Variants in SNX29 observed in about 807,000 individuals in gnomAD.
The protein encoded by SNX29 is sorting nexin 29.
In SNX29, 78 loss-of-function variants were observed where a neutral mutation model predicts 102.1. The observed-to-expected ratio is 0.76, with a 90% CI of 0.64 to 0.92. The LOEUF is 0.92. Ranked by LOEUF, SNX29 falls within the 40% of genes least tolerant of loss-of-function variation. SNX29 has a pLI of 0.00. For missense variants in SNX29, 1,280 were observed against 1,061.7 expected (o/e 1.21, Z -2.86); for synonymous variants, 580 against 414.5 (o/e 1.40, Z -4.85).
At chr16:12,461,978 AATATATATATATATATAT>A (rs71139595) in intron 18 of SNX29, among the ~76,000 whole-genome samples, 546 of 27,346 alleles carry the variant, frequency 0.02, 15 homozygotes, top group Middle Eastern at 0.038. Flanking sequence ...AAAAAAAAAA[AATATATATATATATATAT>A]ATATATATAT....
At chr16:12,399,371 T>C (rs1172079716) in intron 17 of SNX29, among the ~76,000 whole-genome samples, 1 of 152,218 alleles carries the variant, frequency 6.6e-6, no homozygotes, top group Non-Finnish European at 1.5e-5. Flanking sequence ...TCAGGATTTC[T>C]TGGGCTTTGG....
chr16:12,512,848 G>T (rs2089692372), intron 19 of SNX29, among the ~76,000 whole-genome samples: 1 of 152,170 alleles, frequency 6.6e-6, no homozygotes, highest in African/African-American at 2.4e-5. Flanking sequence ...GGGGAGTGAG[G>T]GCGAGATGGC....
chr16:12,482,410 T>A (rs1322150634), intron 19 of SNX29, among the ~76,000 whole-genome samples: 1 of 152,164 alleles, frequency 6.6e-6, no homozygotes, highest in Non-Finnish European at 1.5e-5. Flanking sequence ...CAAGTGACCC[T>A]CTTGCTTCAG....
At chr16:12,035,205 T>G (rs1208230137) in intron 4 of SNX29, among the ~76,000 whole-genome samples, 1 of 48,892 alleles carries the variant, frequency 2.0e-5, no homozygotes, top group Non-Finnish European at 5.5e-5. Context: ...GAAATTTCCC[T>G]TTTTTTTTTT....
intron 11 of SNX29, among the ~76,000 whole-genome samples, chr16:12,124,980 A>G (rs2054141506): frequency 6.6e-6 from 1 of 152,200 alleles, no homozygotes; most frequent in African/African-American, 2.4e-5. Context: ...ATAAAGAGGA[A>G]GGAAATCACA....
At chr16:12,567,785 G>A (rs138358132) in intron 20 of SNX29, among the ~76,000 whole-genome samples, 216 of 152,252 alleles carry the variant, frequency 1.4e-3, no homozygotes, top group Middle Eastern at 0.01. Flanking sequence ...TTGAAAAAAT[G>A]CAACCACATC....
chr16:12,196,670 G>T (rs1374575932), intron 13 of SNX29, among the ~76,000 whole-genome samples: 1 of 148,070 alleles, frequency 6.8e-6, no homozygotes, highest in Non-Finnish European at 1.5e-5. Flanking sequence ...TGCGAGGCTG[G>T]AGTGCAGTGG....
Position 12,218,616 on chromosome 16 carries a change from G to T in SNX29, c.1678+18933G>T, listed in dbSNP as rs140481225. ...TCAACCTTGCTTTTTTCAGGTAAGA[G>T]TGTATCACTGAACAGTCAGGAATTT... On this transcript the variant is annotated intron_variant, in intron 14 of 20. Coordinates refer to ENST00000566228, the MANE Select transcript of SNX29 (RefSeq NM_032167.5). Among the ~76,000 whole-genome samples the T allele has an allele frequency of 4.3e-3, 654 of 152,268 alleles. 5 individuals are homozygous for T. Among genetic ancestry groups the T allele is most frequent in the African/African-American group, 0.015 (622 of 41,546 alleles).
At chr16:12,465,214 T>C (rs1015795352) in intron 18 of SNX29, among the ~76,000 whole-genome samples, 1 of 152,258 alleles carries the variant, frequency 6.6e-6, no homozygotes. Context: ...AGAAGCTCTT[T>C]AGTTTGATGT....
rs768785747 is a variant in SNX29, at chr16:12,052,213, C to T, written c.1115C>T (p.Ser372Leu). ...SGRKHRGHSE[S>L]PEKPLEGNTC... ...AGGAAGCACAGGGGCCACTCGGAGTCGCCCGAGAAGTAAGTTTGTGTGTAA... is the reference window on the plus strand; with the variant it reads ...AGGAAGCACAGGGGCCACTCGGAGTTGCCCGAGAAGTAAGTTTGTGTGTAA... Residue 372 changes from serine (S) to leucine (L), a missense_variant, in exon 8 of 21, where the codon TCG (serine) becomes TTG (leucine). Transcript: ENST00000566228. 1.8e-5 allele frequency: 29 copies of T among 1,613,648 alleles called. No homozygotes were observed. Among genetic ancestry groups the T allele is most frequent in the Middle Eastern group, 1.6e-4 (1 of 6,078 alleles).
intron 11 of SNX29, among the ~76,000 whole-genome samples, chr16:12,079,300 G>T (rs2051745145): frequency 1.3e-5 from 2 of 152,238 alleles, no homozygotes; most frequent in South Asian, 4.1e-4. Context: ...ATTAAACTTT[G>T]CTAATGATCA....
chr16:12,005,813 G>A (rs2056432777), intron 3 of SNX29, among the ~76,000 whole-genome samples: 1 of 152,166 alleles, frequency 6.6e-6, no homozygotes, highest in Non-Finnish European at 1.5e-5. Flanking sequence ...TTTGGATTAG[G>A]CGTGCCTAAC....
chr16:12,003,528 CAA>C (rs1567514684), intron 3 of SNX29, among the ~76,000 whole-genome samples: 2 of 152,100 alleles, frequency 1.3e-5, no homozygotes, highest in Admixed American at 6.6e-5. Context: ...TATGTTATAA[CAA>C]GAGCAGGATC....
At chr16:12,427,652 C>T (rs930382448) in intron 18 of SNX29, among the ~76,000 whole-genome samples, 1 of 152,176 alleles carries the variant, frequency 6.6e-6, no homozygotes, top group African/African-American at 2.4e-5. Flanking sequence ...ATAAAACGGC[C>T]AGAGACAATG....
At chr16:11,988,693 C>T (rs2055728276) in intron 1 of SNX29, among the ~76,000 whole-genome samples, 1 of 152,320 alleles carries the variant, frequency 6.6e-6, no homozygotes, top group Admixed American at 6.5e-5. Context: ...AGCCACCATG[C>T]TTGGCCTATT....
At chr16:12,549,043 G>A (rs559224632) in intron 20 of SNX29, among the ~76,000 whole-genome samples, 1 of 152,252 alleles carries the variant, frequency 6.6e-6, no homozygotes, top group South Asian at 2.1e-4. Context: ...TCTTAGGTGA[G>A]TCCACTCTTG....
intron 19 of SNX29, among the ~76,000 whole-genome samples, chr16:12,502,557 C>T (rs1300480985): frequency 1.3e-5 from 2 of 152,148 alleles, no homozygotes; most frequent in Non-Finnish European, 2.9e-5. Flanking sequence ...CATTCCCAGC[C>T]CTGTTTTACA....
Position 12,407,012 on chromosome 16 carries a change from A to T in SNX29, c.2037+3483A>T, listed in dbSNP as rs1471277760. On this transcript the variant is annotated intron_variant, in intron 18 of 20. Coordinates refer to ENST00000566228, the MANE Select transcript of SNX29 (RefSeq NM_032167.5). ...ATGGCTCCTGTTCTGGACAGCACAG[A>T]TCTGGAACATTTACCCCACACACAG... is the stretch of plus-strand genomic sequence containing the variant. 4.7e-4 allele frequency among the ~76,000 whole-genome samples: 72 copies of T among 152,244 alleles called. 1 individual carries two copies. Among genetic ancestry groups the T allele is most frequent in the Admixed American group, 4.7e-3 (72 of 15,286 alleles).
In SNX29 at chr16:12,554,931, C is replaced by T. The variant is rs554993277; in HGVS notation, c.2319-13575C>T. ...AGGGGAGAGGGGCTGAGGAGGGCAGCAAGCACGGCCTCTGGAGAAAACAAT... is the reference window on the plus strand; with the variant it reads ...AGGGGAGAGGGGCTGAGGAGGGCAGTAAGCACGGCCTCTGGAGAAAACAAT... On this transcript the variant is annotated intron_variant, in intron 20 of 20. Transcript: ENST00000566228. Among the ~76,000 whole-genome samples the T allele has an allele frequency of 6.6e-5, 10 of 151,492 alleles. 2 individuals carry two copies. Among genetic ancestry groups the T allele is most frequent in the African/African-American group, 2.4e-4 (10 of 40,932 alleles).
Sources: gnomAD v4.1 joint callset for allele counts (sites outside exome capture counted in the v4.1 genomes callset) on GRCh38, gnomAD v4.1.1 for gene constraint, MANE v1.5 for transcripts, NCBI Gene and HGNC (gene_info 2026-07-23, HGNC 2026-07-21) for gene names.